MAGI2: variants seen among roughly 807,000 people sequenced by gnomAD.
MAGI2 encodes membrane associated guanylate kinase, WW and PDZ domain containing 2.
In MAGI2, 35 loss-of-function variants were observed where a neutral mutation model predicts 133.3. The observed-to-expected ratio is 0.26, with a 90% CI of 0.20 to 0.35. The LOEUF (loss-of-function observed/expected upper bound fraction) is 0.35, where lower values mean the gene tolerates loss of function less well. Ranked by LOEUF, MAGI2 falls within the 10% of genes least tolerant of loss-of-function variation. MAGI2 has a pLI of 1.00. For synonymous variants in MAGI2, 729 were observed against 710.6 expected, an observed-to-expected ratio of 1.03 and a Z score of -0.41; for missense variants, 1,636 against 1,863.4, an observed-to-expected ratio of 0.88 and a Z score of 2.25.
intron 2 of MAGI2, among the ~76,000 whole-genome samples, chr7:78,685,735 T>A (rs952241372): frequency 6.6e-6 from 1 of 151,848 alleles, no homozygotes; most frequent in Non-Finnish European, 1.5e-5. Context: ...TTGCTGTAAC[T>A]GATAGGTGAT....
At chr7:78,914,783 C>A (rs1798663756) in intron 2 of MAGI2, among the ~76,000 whole-genome samples, 1 of 151,782 alleles carries the variant, frequency 6.6e-6, no homozygotes. Context: ...CTCAGTATGG[C>A]AAAAAATATT....
At chr7:78,653,103 T>C (rs1479392683) in intron 2 of MAGI2, among the ~76,000 whole-genome samples, 3 of 152,154 alleles carry the variant, frequency 2.0e-5, no homozygotes, top group Admixed American at 1.3e-4. Context: ...TCATGCCCGT[T>C]AGAATGGCGA....
At chr7:78,062,717 C>T (rs1432511560) in intron 21 of MAGI2, among the ~76,000 whole-genome samples, 1 of 152,246 alleles carries the variant, frequency 6.6e-6, no homozygotes, top group Non-Finnish European at 1.5e-5. Flanking sequence ...CCAGGACTCC[C>T]CAAATGCTCC....
intron 1 of MAGI2, among the ~76,000 whole-genome samples, chr7:79,161,774 T>G (rs751328426): frequency 9.9e-5 from 15 of 152,124 alleles, no homozygotes; most frequent in Non-Finnish European, 1.8e-4. Flanking sequence ...AAACTTATCT[T>G]TCTAAGTTCT....
At chr7:79,381,822 T>G (rs1378672988) in intron 1 of MAGI2, among the ~76,000 whole-genome samples, 3 of 151,776 alleles carry the variant, frequency 2.0e-5, no homozygotes, top group African/African-American at 7.2e-5. Flanking sequence ...GTTTCAAATA[T>G]TTCCCTTGCA....
chr7:78,556,669 G>T (rs1042830378), intron 3 of MAGI2, among the ~76,000 whole-genome samples: 1 of 152,124 alleles, frequency 6.6e-6, no homozygotes, highest in Admixed American at 6.6e-5. Flanking sequence ...GCTCACTATT[G>T]TCTAAGTATC....
intron 5 of MAGI2, 58 bp downstream of exon 5, chr7:78,501,519 T>G: frequency 4.9e-6 from 6 of 1,227,414 alleles, no homozygotes; most frequent in Non-Finnish European, 7.1e-6. Context: ...ACTTGCTACA[T>G]CATTTATATC....
intron 21 of MAGI2, among the ~76,000 whole-genome samples, chr7:78,029,094 T>A (rs2151055849): frequency 6.6e-6 from 1 of 152,232 alleles, no homozygotes; most frequent in East Asian, 1.9e-4. Context: ...CAGAAAAGGA[T>A]GATACCTGGA....
chr7:78,019,946 GCAGCGGGAGAACTC>G lies in MAGI2; in HGVS notation c.3723_3736del (p.Trp1241CysfsTer50). 1 of 1,608,250 alleles carries G rather than the reference GCAGCGGGAGAACTC, an allele frequency of 6.2e-7. No homozygotes were observed. On this transcript the variant is annotated frameshift_variant, in exon 22 of 22. Transcript: ENST00000354212. LOFTEE classifies it high-confidence loss of function. ...TACTTCCGGCAGACCTGGGGCGGCG[GCAGCGGGAGAACTC>G]CAGGGGGCGGGTTCGTCTGTGGACG...
intron 20 of MAGI2, among the ~76,000 whole-genome samples, chr7:78,083,741 T>C (rs919536922): frequency 1.3e-5 from 2 of 152,240 alleles, no homozygotes; most frequent in Non-Finnish European, 2.9e-5. Flanking sequence ...AGCGGATTTT[T>C]CTTTAACAAA....
At position 78,082,997 on chromosome 7, in the gene MAGI2, C is replaced by T. The variant is rs138510972; in HGVS notation, c.3568-3912G>A. Among the ~76,000 whole-genome samples the T allele has an allele frequency of 5.8e-3, 841 of 143,954 alleles. 6 individuals carry two copies. The highest frequency in any genetic ancestry group is 0.018 in the African/African-American group (679 of 38,536). The allele number at this position is 143,954 out of a possible 152,430, so 94.4% of individuals were successfully genotyped here. ...CTGTCATCTGGATATATAAGAAGATCGACTTATCGGGGGACAGCAGGAGGT... is the reference window on the plus strand; with the variant it reads ...CTGTCATCTGGATATATAAGAAGATTGACTTATCGGGGGACAGCAGGAGGT... On this transcript the variant is annotated intron_variant, in intron 20 of 21. Coordinates refer to ENST00000354212, the MANE Select transcript of MAGI2 (RefSeq NM_012301.4).
chr7:78,555,378 T>C (rs1050203410), intron 3 of MAGI2, among the ~76,000 whole-genome samples: 3 of 152,010 alleles, frequency 2.0e-5, no homozygotes, highest in African/African-American at 7.2e-5. Context: ...CAAGTACATA[T>C]CAAATTTAGT....
At chr7:78,713,033 G>A (rs1302698178) in intron 2 of MAGI2, among the ~76,000 whole-genome samples, 1 of 152,020 alleles carries the variant, frequency 6.6e-6, no homozygotes, top group Admixed American at 6.6e-5. Flanking sequence ...TTAATCAGAA[G>A]AATTGAAATG....
chr7:78,113,821 G>A (rs1020111112), intron 20 of MAGI2, among the ~76,000 whole-genome samples: 2 of 152,174 alleles, frequency 1.3e-5, no homozygotes, highest in African/African-American at 4.8e-5. Flanking sequence ...GAGAGTAGAA[G>A]AATAGAAGAA....
rs556253691 is a variant in MAGI2 at position 78,297,996 on chromosome 7, G to A, written c.1409-41415C>T. 3.5e-3 allele frequency among the ~76,000 whole-genome samples: 406 copies of A among 114,654 alleles called. 1 individual carries two copies. The highest frequency in any genetic ancestry group is 8.2e-3 in the South Asian group (29 of 3,542). 75.2% of individuals were successfully genotyped at this position (114,654 alleles called of 152,430 possible). The stretch of plus-strand genomic sequence containing the variant: ...AACTTAAAGTATAATTAAAAAAAAA[G>A]AATTGTCTGGGAAAAAAAAAAGATT... On this transcript the variant is annotated intron_variant, in intron 9 of 21. Coordinates refer to ENST00000354212, the MANE Select transcript of MAGI2 (RefSeq NM_012301.4).
intron 9 of MAGI2, among the ~76,000 whole-genome samples, chr7:78,294,154 TCA>T (rs1797001847): frequency 1.3e-5 from 2 of 152,302 alleles, no homozygotes; most frequent in Middle Eastern, 6.8e-3. Flanking sequence ...TATCATTTTT[TCA>T]CATTTTAATT....
At chr7:78,857,621 T>G (rs982726257) in intron 2 of MAGI2, among the ~76,000 whole-genome samples, 2 of 152,240 alleles carry the variant, frequency 1.3e-5, no homozygotes, top group Admixed American at 6.5e-5. Flanking sequence ...TCATGGTGGA[T>G]AAGCTTTTTG....
At chr7:79,144,160 T>C (rs889660093) in intron 1 of MAGI2, among the ~76,000 whole-genome samples, 1 of 152,154 alleles carries the variant, frequency 6.6e-6, no homozygotes, top group African/African-American at 2.4e-5. Context: ...CCCACAGCAG[T>C]GCTAGGCACA....
At chr7:78,619,908 C>T (rs987937465) in intron 3 of MAGI2, among the ~76,000 whole-genome samples, 1 of 151,960 alleles carries the variant, frequency 6.6e-6, no homozygotes, top group Non-Finnish European at 1.5e-5. Flanking sequence ...CACCCAAATG[C>T]ATGGCCTAGA....
Sources: gnomAD v4.1 joint callset for allele counts (sites outside exome capture counted in the v4.1 genomes callset) on GRCh38, gnomAD v4.1.1 for gene constraint, MANE v1.5 for transcripts, NCBI Gene and HGNC (gene_info 2026-07-23, HGNC 2026-07-21) for gene names.